Variants in TANC2 observed in about 807,000 individuals in gnomAD.
TANC2 encodes protein TANC2.
A neutral mutation model predicts 210.5 loss-of-function variants in TANC2; 26 were observed. The ratio of observed to expected loss-of-function variants is 0.12; its 90% CI spans 0.09 to 0.17. The LOEUF (loss-of-function observed/expected upper bound fraction) is 0.17, where lower values mean the gene tolerates loss of function less well. Ranked by LOEUF, TANC2 falls within the 10% of genes least tolerant of loss-of-function variation. The pLI is 1.00. For synonymous variants in TANC2, 931 were observed against 967.1 expected, an observed-to-expected ratio of 0.96 and a Z score of 0.69; for missense variants, 2,129 against 2,608.9, an observed-to-expected ratio of 0.82 and a Z score of 4.01.
At position 63,420,579 on chromosome 17, in the gene TANC2, C is replaced by G. The variant is rs756478162; in HGVS notation, c.4849C>G (p.Pro1617Ala). 41 of 1,613,906 alleles carry G rather than the reference C, an allele frequency of 2.5e-5. No homozygotes were observed. The highest frequency in any genetic ancestry group is 5.5e-5 in the South Asian group (5 of 91,062). ...GGGCAAAGAATACCCAAGCCCTCCC[C>G]CTTCCCCTCTCCGGAGAGGCCCTCA... Residue 1617 changes from proline to alanine, a missense_variant, in exon 28 of 28, where the codon CCT becomes GCT. By Grantham distance (27) the Pro-to-Ala change is conservative (BLOSUM62 -1). Around this residue, in one of 5 missense-constraint regions of TANC2, gnomAD observed 584 missense variants for 627.3 expected, o/e 0.93. Coordinates refer to ENST00000689528, the Ensembl canonical transcript of TANC2. The surrounding 1 kb of genome is among the most constrained non-coding windows in gnomAD (Gnocchi z 4.2).
intron 2 of TANC2, among the ~76,000 whole-genome samples, chr17:63,059,129 T>G (rs1255103333): frequency 6.6e-6 from 1 of 152,030 alleles, no homozygotes; most frequent in Non-Finnish European, 1.5e-5. Flanking sequence ...GAATTAATTT[T>G]TTTATGTTTT....
chr17:63,088,111 T>A (rs1210601692), intron 3 of TANC2: 1 of 152,172 alleles, frequency 6.6e-6, no homozygotes. Flanking sequence ...CCTAATTAAA[T>A]TTTTCAAATA....
intron 5 of TANC2, among the ~76,000 whole-genome samples, chr17:63,180,578 C>T (rs1347408004): frequency 6.6e-6 from 1 of 152,166 alleles, no homozygotes; most frequent in Non-Finnish European, 1.5e-5. Context: ...GCCTCATCCT[C>T]CTCCAATCCA....
intron 9 of TANC2, among the ~76,000 whole-genome samples, chr17:63,294,706 C>G (rs901145435): frequency 2.0e-5 from 3 of 152,098 alleles, no homozygotes; most frequent in African/African-American, 7.2e-5. Flanking sequence ...CTTTATGCAC[C>G]TATCATTTTT....
At chr17:63,363,363 C>A (rs2047019554) in intron 14 of TANC2, among the ~76,000 whole-genome samples, 1 of 152,136 alleles carries the variant, frequency 6.6e-6, no homozygotes, top group South Asian at 2.1e-4. Context: ...TTGTAACTTG[C>A]TGAGGTCCCA....
At chr17:63,187,835 CAG>C (rs912748783) in intron 5 of TANC2, among the ~76,000 whole-genome samples, 1 of 151,878 alleles carries the variant, frequency 6.6e-6, no homozygotes, top group African/African-American at 2.4e-5. Context: ...AAATTCAAGA[CAG>C]AAGACAAGTG....
At position 63,053,218 on chromosome 17, in the gene TANC2, C is replaced by T. The variant is rs1317064023; in HGVS notation, c.68-20725C>T. ...GCAGCCAGCATATCCAGGGACCTAC[C>T]GTCTTTGTCCATGTCTAGTGAGAGA... is the stretch of plus-strand genomic sequence containing the variant. On this transcript the variant is annotated intron_variant, in intron 2 of 27. Transcript: ENST00000689528. 4.6e-5 allele frequency among the ~76,000 whole-genome samples: 7 copies of T among 152,126 alleles called. No individual in the cohort carries two copies. The East Asian group carries it at 1.2e-3, about 25-fold the overall frequency.
At chr17:63,107,890 T>G (rs1216985069) in intron 4 of TANC2, among the ~76,000 whole-genome samples, 14 of 151,736 alleles carry the variant, frequency 9.2e-5, no homozygotes, top group Admixed American at 9.2e-4. Context: ...TGTTCTAAAC[T>G]TAGATTATGC....
At chr17:63,426,740 T>G (rs2049154639) in exon 28 of TANC2, 1 of 152,220 alleles carries the variant, frequency 6.6e-6, no homozygotes, top group African/African-American at 2.4e-5. Context: ...CGCGTAGAGA[T>G]CAGGCCAGCG....
chr17:63,249,633 G>GAATC (rs1265493656), intron 8 of TANC2, among the ~76,000 whole-genome samples: 2 of 152,258 alleles, frequency 1.3e-5, no homozygotes, highest in African/African-American at 4.8e-5. Context: ...AGGATCTTAA[G>GAATC]AATCAGGTAA....
At chr17:63,249,212 C>T (rs2042992777) in intron 8 of TANC2, among the ~76,000 whole-genome samples, 1 of 152,248 alleles carries the variant, frequency 6.6e-6, no homozygotes, top group East Asian at 1.9e-4. Context: ...TCTGGAGTAG[C>T]TCAGTTTTCT....
chr17:63,099,234 C>G (rs756666637), exon 4 of TANC2: 8 of 1,610,426 alleles, frequency 5.0e-6, no homozygotes, highest in African/African-American at 2.7e-5. Flanking sequence ...CCCGCCACTT[C>G]CAGTGAGTGA....
At chr17:63,162,308 A>AG (rs1567775538) in intron 5 of TANC2, among the ~76,000 whole-genome samples, 2 of 151,864 alleles carry the variant, frequency 1.3e-5, no homozygotes, top group African/African-American at 4.8e-5. Context: ...GTCTGGAAAA[A>AG]AAAAAAACAA....
At chr17:63,314,367 G>T in intron 9 of TANC2, 21 bp from the exon 10 acceptor site, 1 of 1,608,956 alleles carries the variant, frequency 6.2e-7, no homozygotes, top group South Asian at 1.1e-5. Flanking sequence ...CCTAAGTTCT[G>T]CATTCTCTTG....
intron 5 of TANC2, among the ~76,000 whole-genome samples, chr17:63,184,286 A>G (rs1269689477): frequency 2.0e-5 from 3 of 152,094 alleles, no homozygotes; most frequent in Non-Finnish European, 4.4e-5. Flanking sequence ...TTAAATATGT[A>G]GTGTTATTTG....
intron 10 of TANC2, 23 bp from the exon 11 acceptor site, chr17:63,318,934 A>G (rs2045404759): frequency 6.2e-7 from 1 of 1,611,336 alleles, no homozygotes; most frequent in African/African-American, 1.3e-5. Flanking sequence ...TCTGATGCAA[A>G]CATCTAAATC....
In TANC2 at chr17:63,389,283, A is replaced by G. The variant is rs759124218; in HGVS notation, c.2815-25A>G. ...GGATGTGACTCCTGTTTGTCTAATT[A>G]TTAGTTCTGTTTGTTTATTTCTAGG... On this transcript the variant is annotated intron_variant, in intron 16 of 27. Transcript: ENST00000689528. The G allele has an allele frequency of 1.3e-5, 21 of 1,569,842 alleles. No individual in the cohort carries two copies. The South Asian group carries it at 1.8e-4, about 14-fold the overall frequency.
chr17:63,035,950 C>G, intron 2 of TANC2, among the ~76,000 whole-genome samples: 1 of 152,084 alleles, frequency 6.6e-6, no homozygotes, highest in Non-Finnish European at 1.5e-5. Context: ...TCTCTGATGG[C>G]TAATGAACGT....
chr17:63,340,040 A>C, intron 11 of TANC2, 61 bp from the exon 12 acceptor site: 1 of 1,226,536 alleles, frequency 8.2e-7, no homozygotes, highest in African/African-American at 1.5e-5. Flanking sequence ...AATAGCTGAT[A>C]ATCATAGCTA....
Sources: allele counts gnomAD v4.1 joint callset (sites outside exome capture counted in the v4.1 genomes callset), GRCh38; gene constraint gnomAD v4.1.1; regional missense constraint gnomAD v4.1.1; non-coding constraint Gnocchi (gnomAD v3.1); transcripts MANE v1.5; gene names NCBI Gene and HGNC (gene_info 2026-07-23, HGNC 2026-07-21).